MCC: variants seen among roughly 807,000 people sequenced by gnomAD.
MCC encodes colorectal mutant cancer protein.
MCC carries 90 observed loss-of-function variants against 116.2 expected under a neutral mutation model. The ratio of observed to expected loss-of-function variants is 0.77; its 90% CI spans 0.65 to 0.92. The LOEUF (loss-of-function observed/expected upper bound fraction) is 0.92. Ranked by LOEUF, MCC falls within the 40% of genes least tolerant of loss-of-function variation. MCC has a pLI of 0.00. For synonymous variants in MCC, 578 were observed against 510.5 expected, an observed-to-expected ratio of 1.13 and a Z score of -1.78; for missense variants, 1,516 against 1,312.2, an observed-to-expected ratio of 1.16 and a Z score of -2.40.
chr5:113,271,268 A>G (rs1319653183), intron 3 of MCC, among the ~76,000 whole-genome samples: 1 of 152,196 alleles, frequency 6.6e-6, no homozygotes, highest in Non-Finnish European at 1.5e-5. Flanking sequence ...TAACAATGGC[A>G]CAGTCATCTC....
In MCC at chr5:113,481,608, G is replaced by A. The variant is rs1030915139; in HGVS notation, c.170+6637C>T. On this transcript the variant is annotated intron_variant, in intron 1 of 18. Coordinates refer to ENST00000408903, the MANE Select transcript of MCC (RefSeq NM_001085377.2). Reference sequence around the variant, plus strand: ...AAAAAAATTAGCTGGGCGTGGTGGCGCACACCTGTAGTCCCAGCTACTCAG... The same window carrying A: ...AAAAAAATTAGCTGGGCGTGGTGGCACACACCTGTAGTCCCAGCTACTCAG... Among the ~76,000 whole-genome samples, 23 of 151,978 alleles carry A rather than the reference G, an allele frequency of 1.5e-4. No homozygotes were observed. In the East Asian group the frequency reaches 2.9e-3, roughly 19 times the overall value.
intron 6 of MCC, among the ~76,000 whole-genome samples, chr5:113,118,842 C>T (rs1381078453): frequency 1.3e-5 from 2 of 152,238 alleles, no homozygotes; most frequent in African/African-American, 2.4e-5. Flanking sequence ...CTTTAATGAA[C>T]TCCTCCTTGT....
intron 17 of MCC, among the ~76,000 whole-genome samples, chr5:113,033,888 AG>A (rs1342612384): frequency 6.6e-6 from 1 of 152,100 alleles, no homozygotes; most frequent in Non-Finnish European, 1.5e-5. Context: ...CCGCAGAGCC[AG>A]GGTGGGACTT....
In MCC at chr5:113,143,233, T is replaced by C; in HGVS notation, c.869A>G (p.Gln290Arg). The change falls in exon 5 of 19, where the codon CAA becomes CGA. Residue 290 changes from glutamine (Q) to arginine (R), a missense_variant. By Grantham distance (43) the Gln-to-Arg change is conservative. Transcript: ENST00000408903. Reference sequence around the variant, plus strand: ...AGCCGCGTACCTGATGGTGGTGCCTTGCAGACGGTCTATCTTCTTGTTGAG... The same window carrying C: ...AGCCGCGTACCTGATGGTGGTGCCTCGCAGACGGTCTATCTTCTTGTTGAG... ...AELNKKIDRLQGTTIREEDEY... is the reference protein window; with the variant it reads ...AELNKKIDRLRGTTIREEDEY... 1 of 1,606,922 alleles carries C rather than the reference T, an allele frequency of 6.2e-7. No homozygotes were observed. Among genetic ancestry groups the C allele is most frequent in the South Asian group, 1.1e-5 (1 of 90,078 alleles).
intron 1 of MCC, among the ~76,000 whole-genome samples, chr5:113,406,009 A>C (rs1380185841): frequency 1.3e-5 from 2 of 152,140 alleles, no homozygotes; most frequent in African/African-American, 4.8e-5. Flanking sequence ...CTTCTAAATA[A>C]TTATGTCTCA....
chr5:113,042,660 C>G (rs1296094513), intron 17 of MCC, among the ~76,000 whole-genome samples: 2 of 151,604 alleles, frequency 1.3e-5, no homozygotes, highest in African/African-American at 4.9e-5. Context: ...TCTGTCTCTC[C>G]AGAACTGCAA....
intron 3 of MCC, among the ~76,000 whole-genome samples, chr5:113,276,804 T>TC (rs1765842382): frequency 7.3e-6 from 1 of 137,012 alleles, no homozygotes; most frequent in Non-Finnish European, 1.6e-5. Flanking sequence ...TTTTTCTTCT[T>TC]ATTTTTTTTT....
chr5:113,063,857 G>T, intron 14 of MCC, 127 bp downstream of exon 14: 3 of 999,238 alleles, frequency 3.0e-6, no homozygotes, highest in Non-Finnish European at 4.4e-6. Flanking sequence ...CAGGCTGCAT[G>T]CCAGAAGCCA....
intron 3 of MCC, among the ~76,000 whole-genome samples, chr5:113,327,545 CAAAAAAAAA>C (rs1189402090): frequency 1.7e-5 from 1 of 57,246 alleles, no homozygotes; most frequent in African/African-American, 9.3e-5. Context: ...GACTCAGTCT[CAAAAAAAAA>C]AAAAAAAATA....
chr5:113,459,182 G>A (rs1771672575), intron 1 of MCC, among the ~76,000 whole-genome samples: 1 of 80,438 alleles, frequency 1.2e-5, no homozygotes, highest in South Asian at 3.4e-4. Context: ...TGTGTGTGAA[G>A]TGGGTGGGGG....
chr5:113,254,803 A>G (rs1034412102), intron 3 of MCC, among the ~76,000 whole-genome samples: 3 of 152,202 alleles, frequency 2.0e-5, no homozygotes, highest in Non-Finnish European at 2.9e-5. Context: ...TTCCCAATCT[A>G]AGAGTGTGAA....
At chr5:113,112,933 G>A (rs528897446) in intron 6 of MCC, among the ~76,000 whole-genome samples, 2 of 152,346 alleles carry the variant, frequency 1.3e-5, no homozygotes, top group African/African-American at 4.8e-5. Context: ...AGGGCAGAAA[G>A]CTTTCAATTA....
intron 8 of MCC, among the ~76,000 whole-genome samples, chr5:113,089,572 C>T (rs1755452112): frequency 6.6e-6 from 1 of 152,204 alleles, no homozygotes; most frequent in African/African-American, 2.4e-5. Flanking sequence ...CCAGTACTAT[C>T]CAACAGAACT....
intron 14 of MCC, among the ~76,000 whole-genome samples, chr5:113,059,417 G>A (rs1390687726): frequency 2.0e-5 from 3 of 152,190 alleles, no homozygotes; most frequent in Non-Finnish European, 4.4e-5. Flanking sequence ...TGGCCTCACA[G>A]ACAAAGGCGC....
intron 6 of MCC, among the ~76,000 whole-genome samples, chr5:113,118,302 A>C (rs1190526826): frequency 6.6e-6 from 1 of 152,318 alleles, no homozygotes; most frequent in East Asian, 1.9e-4. Context: ...GGCTTTGTCC[A>C]CTTAATTACC....
chr5:113,438,454 T>C (rs1447098589), intron 1 of MCC, among the ~76,000 whole-genome samples: 1 of 152,156 alleles, frequency 6.6e-6, no homozygotes, highest in East Asian at 1.9e-4. Context: ...CTAATTTACC[T>C]AGTTATCTTA....
chr5:113,402,293 C>CAA (rs371884386), intron 1 of MCC, among the ~76,000 whole-genome samples: 21,656 of 96,360 alleles, frequency 0.22, 2,758 homozygotes, highest in African/African-American at 0.34. Flanking sequence ...GACTCCGTCT[C>CAA]AAAAAAAAAA....
intron 1 of MCC, among the ~76,000 whole-genome samples, chr5:113,390,516 C>G (rs539706882): frequency 6.6e-6 from 1 of 152,296 alleles, no homozygotes; most frequent in Admixed American, 6.5e-5. Context: ...TCACAATGAA[C>G]AGCTATTATT....
At chr5:113,452,334 C>T (rs1415028892) in intron 1 of MCC, among the ~76,000 whole-genome samples, 1 of 152,138 alleles carries the variant, frequency 6.6e-6, no homozygotes, top group Admixed American at 6.5e-5. Context: ...TGTGTCCCCC[C>T]CAAATTCATA....
Sources: allele counts gnomAD v4.1 joint callset (sites outside exome capture counted in the v4.1 genomes callset), GRCh38; gene constraint gnomAD v4.1.1; transcripts MANE v1.5; gene names NCBI Gene and HGNC (gene_info 2026-07-23, HGNC 2026-07-21).